DMXL2: variants seen among roughly 807,000 people sequenced by gnomAD.
DMXL2 encodes the protein dmX-like protein 2.
A neutral mutation model predicts 331.1 loss-of-function variants in DMXL2; 103 were observed. The observed-to-expected ratio is 0.31, with a 90% confidence interval of 0.27 to 0.37. The LOEUF (loss-of-function observed/expected upper bound fraction) is 0.37, where lower values mean the gene tolerates loss of function less well. Ranked by LOEUF, DMXL2 falls within the 10% of genes least tolerant of loss-of-function variation. The pLI, the probability that DMXL2 is intolerant of heterozygous loss-of-function variation, is 1.00. For synonymous variants in DMXL2, 1,281 were observed against 1,252.1 expected (o/e 1.02, Z -0.49); for missense variants, 3,171 against 3,642.9 (o/e 0.87, Z 3.33).
At chr15:51,451,580 A>G in intron 42 of DMXL2, 65 bp downstream of exon 42, 1 of 1,259,304 alleles carries the variant, frequency 7.9e-7, no homozygotes, top group South Asian at 1.3e-5. Flanking sequence ...AAACCAAGAA[A>G]GCATTCCTTC....
chr15:51,549,761 T>C (rs922747956), intron 6 of DMXL2, among the ~76,000 whole-genome samples: 1 of 152,194 alleles, frequency 6.6e-6, no homozygotes, highest in East Asian at 1.9e-4. Context: ...ATATCCTCCT[T>C]GGAGAATTGT....
Position 51,499,326 on chromosome 15 carries a change from T to C in DMXL2, c.3898A>G (p.Thr1300Ala). The C allele has an allele frequency of 6.2e-7, 1 of 1,613,944 alleles. No individual in the cohort carries two copies. Among genetic ancestry groups the C allele is most frequent in the Non-Finnish European group, 8.5e-7 (1 of 1,179,986 alleles). ...AEEAAMQDHS[T>A]FKSNMLARKS... ...CTTGCCAGCATATTAGATTTAAAGGTCGAATGATCTTGCATTGCTGCCTCT... is the reference window on the plus strand; with the variant it reads ...CTTGCCAGCATATTAGATTTAAAGGCCGAATGATCTTGCATTGCTGCCTCT... Residue 1300 changes from threonine (T) to alanine (A), a missense_variant, in exon 18 of 44, where the codon ACC (threonine) becomes GCC (alanine). Physicochemically the swap from Thr to Ala is moderately conservative, Grantham distance 58 (BLOSUM62 0). Transcript: ENST00000560891.
chr15:51,459,073 T>C lies in DMXL2; in HGVS notation c.7990-278A>G, dbSNP rs975911032. On this transcript the variant is annotated intron_variant, in intron 34 of 43. Transcript: ENST00000560891. ...TGGCTAATATATTTTTATTAGTAAT[T>C]TATACAGTAGTATGTCTCTCTTAGC... is the stretch of plus-strand genomic sequence containing the variant. 19 of 362,110 alleles carry C rather than the reference T, an allele frequency of 5.2e-5. 1 individual carries two copies. Among genetic ancestry groups the C allele is most frequent in the Middle Eastern group, 1.6e-3 (2 of 1,238 alleles). The allele number at this position is 362,110 out of a possible 1,614,324, so 22.4% of individuals were successfully genotyped here. A position where few individuals can be genotyped will look rare whatever the true frequency, so the allele number is the denominator to read the frequency against.
intron 42 of DMXL2, among the ~76,000 whole-genome samples, chr15:51,450,949 TTCTG>T (rs1416081010): frequency 1.3e-5 from 2 of 152,232 alleles, no homozygotes; most frequent in Admixed American, 1.3e-4. Flanking sequence ...CTGAGAATCT[TTCTG>T]TCTTTCTGAC....
chr15:51,468,246 T>C (rs74550292), intron 29 of DMXL2, among the ~76,000 whole-genome samples: 1,757 of 152,180 alleles, frequency 0.012, 27 homozygotes, highest in East Asian at 0.026. Flanking sequence ...AGGAACCAGG[T>C]TATTTCAAAA....
At chr15:51,450,459 G>C in intron 42 of DMXL2, 113 bp from the exon 43 acceptor site, 1 of 1,010,860 alleles carries the variant, frequency 9.9e-7, no homozygotes, top group East Asian at 2.6e-5. Flanking sequence ...TCATTCTAAG[G>C]TACATTTATT....
At chr15:51,605,030 T>C (rs2053483137) in intron 1 of DMXL2, among the ~76,000 whole-genome samples, 1 of 127,884 alleles carries the variant, frequency 7.8e-6, no homozygotes, top group Non-Finnish European at 1.8e-5. Flanking sequence ...AACAACTGGA[T>C]GTTCATATAT....
intron 8 of DMXL2, among the ~76,000 whole-genome samples, chr15:51,545,342 A>G (rs1455149701): frequency 1.3e-5 from 2 of 152,216 alleles, no homozygotes; most frequent in Non-Finnish European, 2.9e-5. Context: ...TGAGCATAAA[A>G]TATCAATTTT....
At chr15:51,525,571 A>G (rs2047625286) in intron 13 of DMXL2, among the ~76,000 whole-genome samples, 1 of 152,112 alleles carries the variant, frequency 6.6e-6, no homozygotes, top group Admixed American at 6.5e-5. Context: ...CAATGCCCTG[A>G]AATGGTGAGT....
intron 41 of DMXL2, 155 bp downstream of exon 41, chr15:51,453,395 G>T: frequency 2.0e-6 from 1 of 501,832 alleles, no homozygotes; most frequent in Non-Finnish European, 3.4e-6. Flanking sequence ...TTCTCTTTTT[G>T]GTAAGAAAAA....
In DMXL2 at chr15:51,458,472, GAAAACTATATGTAAAAGTGAC is replaced by G; in HGVS notation, c.8198+13_8198+33del. 6.2e-7 allele frequency: 1 copy of G among 1,603,182 alleles called. No individual in the cohort carries two copies. The highest frequency in any genetic ancestry group is 1.1e-5 in the South Asian group (1 of 90,032). ...AACCATTTGGTGGGTACTTCTTACA[GAAAACTATATGTAAAAGTGAC>G]TATGAGACAAACCTTTTGGATTCTC... is the stretch of plus-strand genomic sequence containing the variant. On this transcript the variant is annotated intron_variant, in intron 36 of 43. Coordinates refer to ENST00000560891, the MANE Select transcript of DMXL2 (RefSeq NM_001378457.1).
chr15:51,532,784 T>C (rs1055864624), intron 13 of DMXL2, among the ~76,000 whole-genome samples: 7 of 152,182 alleles, frequency 4.6e-5, no homozygotes, highest in Non-Finnish European at 1.0e-4. Flanking sequence ...ATCTCACTTC[T>C]TATTCAACAT....
chr15:51,618,447 AGAGTT>A (rs770071742), intron 1 of DMXL2, among the ~76,000 whole-genome samples: 5 of 152,128 alleles, frequency 3.3e-5, no homozygotes, highest in Non-Finnish European at 5.9e-5. Context: ...ATTCTACAAT[AGAGTT>A]AAGACATATC....
At chr15:51,474,757 G>C (rs375994072) in intron 27 of DMXL2, among the ~76,000 whole-genome samples, 165 bp from the exon 28 acceptor site, 1 of 152,142 alleles carries the variant, frequency 6.6e-6, no homozygotes, top group Non-Finnish European at 1.5e-5. Flanking sequence ...ATAGCCTATA[G>C]AATAAAATCA....
intron 2 of DMXL2, among the ~76,000 whole-genome samples, chr15:51,572,771 T>C (rs181247663): frequency 3.9e-4 from 60 of 152,282 alleles, no homozygotes; most frequent in Non-Finnish European, 6.6e-4. Context: ...AACTAGGTAA[T>C]GATGGAACGT....
intron 1 of DMXL2, among the ~76,000 whole-genome samples, chr15:51,601,493 T>C (rs575166535): frequency 2.0e-5 from 3 of 152,272 alleles, no homozygotes; most frequent in East Asian, 1.9e-4. Context: ...CCTATGTAGA[T>C]AACAAGATGT....
intron 1 of DMXL2, among the ~76,000 whole-genome samples, chr15:51,579,256 T>G (rs2051247744): frequency 6.6e-6 from 1 of 152,192 alleles, no homozygotes; most frequent in African/African-American, 2.4e-5. Context: ...TACCATTTTA[T>G]ATAATAACCA....
At chr15:51,553,466 C>T (rs953700005) in intron 6 of DMXL2, among the ~76,000 whole-genome samples, 4 of 151,950 alleles carry the variant, frequency 2.6e-5, no homozygotes, top group Admixed American at 6.6e-5. Flanking sequence ...TTCTTTGCCC[C>T]GTTATATGAT....
At chr15:51,588,542 T>C (rs979430368) in intron 1 of DMXL2, among the ~76,000 whole-genome samples, 2 of 152,226 alleles carry the variant, frequency 1.3e-5, no homozygotes, top group African/African-American at 2.4e-5. Context: ...GTTAATTGTA[T>C]ATTATGTCAT....
Sources: allele counts gnomAD v4.1 joint callset (sites outside exome capture counted in the v4.1 genomes callset), GRCh38; gene constraint gnomAD v4.1.1; transcripts MANE v1.5; gene names NCBI Gene and HGNC (gene_info 2026-07-23, HGNC 2026-07-21).